The following KCTD19 variants were observed in gnomAD, a reference collection of about 807,000 sequenced individuals.
KCTD19 encodes the protein potassium channel tetramerization domain containing 19, also known as BTB/POZ domain-containing protein KCTD19.
KCTD19 carries 67 observed loss-of-function variants against 103.5 expected under a neutral mutation model. The observed-to-expected ratio is 0.65, with a 90% CI of 0.53 to 0.79. The LOEUF (loss-of-function observed/expected upper bound fraction) is 0.79, where lower values mean the gene tolerates loss of function less well. KCTD19 is among the 30% of genes least tolerant of loss of function. KCTD19 has a pLI of 0.00. For missense variants in KCTD19, 980 were observed against 1,136.1 expected (o/e 0.86, Z 1.98); for synonymous variants, 439 against 452.2 (o/e 0.97, Z 0.37).
At chr16:67,309,128 C>CAAAAAAAA (rs60872060) in intron 2 of KCTD19, among the ~76,000 whole-genome samples, 1 of 75,910 alleles carries the variant, frequency 1.3e-5, no homozygotes, top group African/African-American at 4.3e-5. Flanking sequence ...GACTTCAGCT[C>CAAAAAAAA]AAAAAAAAAA....
At chr16:67,324,904 C>T (rs2037114337) in intron 1 of KCTD19, among the ~76,000 whole-genome samples, 1 of 152,180 alleles carries the variant, frequency 6.6e-6, no homozygotes, top group Non-Finnish European at 1.5e-5. Flanking sequence ...ATCTAATGAG[C>T]TAACCTAGAA....
chr16:67,303,272 G>A lies in KCTD19; in HGVS notation c.517C>T (p.His173Tyr). ...AGGTCTAGGGGCAGGAAGCAGTAGT[G>A]CACCTCCTCTTCTGTGTCTAACAGG... ...TPLLDTEEEV[H>Y]YCFLPLDLVA... The change falls in exon 4 of 16, where the codon CAC becomes TAC. Residue 173 changes from histidine (H) to tyrosine (Y), a missense_variant. His to Tyr is a moderately conservative substitution (Grantham distance 83). Coordinates refer to ENST00000304372, the MANE Select transcript of KCTD19 (RefSeq NM_001100915.3). The surrounding 1 kb of genome is among the most constrained non-coding windows in gnomAD (Gnocchi z 4.3). 6.2e-7 allele frequency: 1 copy of A among 1,614,136 alleles called. No individual in the cohort carries two copies. Among genetic ancestry groups the A allele is most frequent in the Non-Finnish European group, 8.5e-7 (1 of 1,179,990 alleles).
rs564287650 is a variant in KCTD19, at chr16:67,302,040, A to G, written c.644-118T>C. 5.6e-6 allele frequency: 5 copies of G among 895,238 alleles called. No individual in the cohort carries two copies. The South Asian group carries it at 7.7e-5, about 14-fold the overall frequency. 55.5% of individuals were successfully genotyped at this position (895,238 alleles called of 1,614,324 possible). The stretch of plus-strand genomic sequence containing the variant: ...TATCCTAGGTTCTCCTTGTTCTGAA[A>G]CAACTTATCAACATACCTTATTAGA... On this transcript the variant is annotated intron_variant, in intron 4 of 15. Coordinates refer to ENST00000304372, the MANE Select transcript of KCTD19 (RefSeq NM_001100915.3).
chr16:67,292,156 G>A (rs779191551), intron 12 of KCTD19, among the ~76,000 whole-genome samples: 6 of 152,318 alleles, frequency 3.9e-5, no homozygotes, highest in African/African-American at 1.4e-4. Context: ...TGAGCCACAC[G>A]CACAGGCTTT....
chr16:67,293,992 G>T lies in KCTD19; in HGVS notation c.1770C>A (p.His590Gln), dbSNP rs1182382957. 1 of 1,614,182 alleles carries T rather than the reference G, an allele frequency of 6.2e-7. No homozygotes were observed. Among genetic ancestry groups the T allele is most frequent in the African/African-American group, 1.3e-5 (1 of 75,052 alleles). Reference protein sequence around the residue: ...KRAGNPSTYSHCRGLCTNPGH... With the variant: ...KRAGNPSTYSQCRGLCTNPGH... ...CAGGATTGGTACACAAGCCACGGCA[G>T]TGTGAGTATGTGCTAGGGTTGCCAG... Residue 590 changes from histidine to glutamine, a missense_variant, in exon 12 of 16, where the codon CAC (histidine) becomes CAA (glutamine). His to Gln is a conservative substitution (Grantham distance 24). Transcript: ENST00000304372. This position sits in a 1 kb window ranked among gnomAD's most constrained non-coding sequence, Gnocchi z 4.0.
intron 12 of KCTD19, among the ~76,000 whole-genome samples, chr16:67,292,705 G>C (rs2142500951): frequency 6.6e-6 from 1 of 152,238 alleles, no homozygotes; most frequent in East Asian, 1.9e-4. Context: ...TTTCAGCACA[G>C]TTCCCTGGCC....
At chr16:67,322,299 T>A (rs2037082780) in intron 1 of KCTD19, among the ~76,000 whole-genome samples, 1 of 111,794 alleles carries the variant, frequency 8.9e-6, no homozygotes. Context: ...CTATAAAATC[T>A]TTTTTTTTTT....
rs2036984013 is a variant in KCTD19 at position 67,314,715 on chromosome 16, G to T, written c.300+5874C>A. 4.6e-5 allele frequency among the ~76,000 whole-genome samples: 7 copies of T among 150,676 alleles called. No homozygotes were observed. In the South Asian group the frequency reaches 1.0e-3, roughly 23 times the overall value. On this transcript the variant is annotated intron_variant, in intron 2 of 15. Coordinates refer to ENST00000304372, the MANE Select transcript of KCTD19 (RefSeq NM_001100915.3). Reference sequence around the variant, plus strand: ...TTATAGGCATGAGCCACCGCACCCAGCTGTGTCTATCTTCTATACATATAA... The same window carrying T: ...TTATAGGCATGAGCCACCGCACCCATCTGTGTCTATCTTCTATACATATAA...
intron 2 of KCTD19, chr16:67,305,537 C>T: frequency 2.2e-6 from 1 of 448,372 alleles, no homozygotes; most frequent in South Asian, 1.6e-5. Context: ...GTGGAGCACC[C>T]CAACTAGGCA....
chr16:67,315,429 C>T (rs1018619936), intron 2 of KCTD19, among the ~76,000 whole-genome samples: 1 of 152,038 alleles, frequency 6.6e-6, no homozygotes, highest in African/African-American at 2.4e-5. Context: ...CCTCAGCCTC[C>T]ACAGCAGCTA....
In KCTD19 at chr16:67,320,834, C is replaced by A. The variant is rs761287238; in HGVS notation, c.55G>T (p.Val19Leu). 1 of 1,614,056 alleles carries A rather than the reference C, an allele frequency of 6.2e-7. No homozygotes were observed. The highest frequency in any genetic ancestry group is 1.3e-5 in the African/African-American group (1 of 75,018). The part of the protein sequence containing the change: ...ESAEDLFHFN[V>L]GGWHFSVPRS... ...GGAACTGAGAAATGCCAGCCCCCTACGTTGAAATGAAACAAGTCCTCTGCT... is the reference window on the plus strand; with the variant it reads ...GGAACTGAGAAATGCCAGCCCCCTAAGTTGAAATGAAACAAGTCCTCTGCT... The change falls in exon 2 of 16, where the codon GTA becomes TTA. Residue 19 changes from valine (V) to leucine (L), a missense_variant. Transcript: ENST00000304372. The surrounding 1 kb of genome is among the most constrained non-coding windows in gnomAD (Gnocchi z 4.0).
At chr16:67,302,202 C>G (rs1201672844) in intron 4 of KCTD19, 1 of 341,330 alleles carries the variant, frequency 2.9e-6, no homozygotes, top group Non-Finnish European at 5.5e-6. Flanking sequence ...CACACTGGCC[C>G]TGAGACTTAC....
rs867040603 is a variant in KCTD19, at chr16:67,323,523, A to G, written c.4-2638T>C. Among the ~76,000 whole-genome samples the G allele has an allele frequency of 3.9e-5, 6 of 152,306 alleles. No individual in the cohort carries two copies. The highest frequency in any genetic ancestry group is 6.8e-3 in the Middle Eastern group (2 of 294). On this transcript the variant is annotated intron_variant, in intron 1 of 15. Coordinates refer to ENST00000304372, the MANE Select transcript of KCTD19 (RefSeq NM_001100915.3). This position sits in a 1 kb window ranked among gnomAD's most constrained non-coding sequence, Gnocchi z 4.1. ...GGGCGTCAGAGTGAGGCACGTCTCT[A>G]AAAAAATAAAAAATAAAAAGGAATG...
intron 1 of KCTD19, among the ~76,000 whole-genome samples, chr16:67,322,816 TAAAG>T (rs1276943933): frequency 2.0e-5 from 3 of 152,178 alleles, no homozygotes; most frequent in Non-Finnish European, 4.4e-5. Flanking sequence ...ATTTGTCTGA[TAAAG>T]AACTTGTTTT....
intron 2 of KCTD19, among the ~76,000 whole-genome samples, chr16:67,317,892 C>T (rs1465250059): frequency 2.6e-5 from 4 of 152,108 alleles, no homozygotes; most frequent in Non-Finnish European, 5.9e-5. Context: ...TGAGTAGAGT[C>T]TAAAGACTAA....
chr16:67,295,114 C>A, intron 9 of KCTD19, 58 bp from the exon 10 acceptor site: 2 of 1,570,626 alleles, frequency 1.3e-6, no homozygotes, highest in Non-Finnish European at 1.8e-6. Flanking sequence ...TGGGAGGGAG[C>A]ATGAGCTCCT....
rs777900713 is a variant in KCTD19, at chr16:67,291,693, A to T, written c.2363T>A (p.Met788Lys). Reference protein sequence around the residue: ...FEDSIIYTTEMDNLRHTTPTA... With the variant: ...FEDSIIYTTEKDNLRHTTPTA... ...GGGTGTTGTGTGCCTGAGGTTGTCC[A>T]TCTCCGTGGTATAGATGATGCTGTC... is the stretch of plus-strand genomic sequence containing the variant. The change falls in exon 13 of 16, where the codon ATG becomes AAG. Residue 788 changes from methionine (M) to lysine (K), a missense_variant. Met to Lys is a moderately conservative substitution (Grantham distance 95, BLOSUM62 -1). Transcript: ENST00000304372. 1.3e-5 allele frequency: 21 copies of T among 1,613,926 alleles called. No individual in the cohort carries two copies. The highest frequency in any genetic ancestry group is 1.7e-5 in the Non-Finnish European group (20 of 1,180,000).
chr16:67,302,328 G>A, intron 4 of KCTD19: 1 of 206,456 alleles, frequency 4.8e-6, no homozygotes, highest in Non-Finnish European at 9.7e-6. Flanking sequence ...GTTTGTCCCT[G>A]CCTGGACTGC....
At chr16:67,318,551 C>CT (rs1356132046) in intron 2 of KCTD19, among the ~76,000 whole-genome samples, 2 of 117,420 alleles carry the variant, frequency 1.7e-5, no homozygotes, top group Non-Finnish European at 3.3e-5. Context: ...GAGCAAGACT[C>CT]TATCTCAAAA....
Sources: gnomAD v4.1 joint callset for allele counts (sites outside exome capture counted in the v4.1 genomes callset) on GRCh38, gnomAD v4.1.1 for gene constraint, Gnocchi (gnomAD v3.1) non-coding constraint, MANE v1.5 for transcripts, NCBI Gene and HGNC (gene_info 2026-07-23, HGNC 2026-07-21) for gene names.